DHRSX: variants seen among roughly 807,000 people sequenced by gnomAD.
DHRSX encodes polyprenol dehydrogenase.
In DHRSX, 31 loss-of-function variants were observed where a neutral mutation model predicts 34.0. The observed-to-expected ratio is 0.91, with a 90% confidence interval of 0.69 to 1.23. The LOEUF is 1.23. DHRSX is among the 50% of genes most tolerant of loss of function. The pLI is 0.00. For synonymous variants in DHRSX, 201 were observed against 183.8 expected (o/e 1.09, Z -0.76); for missense variants, 414 against 428.1 (o/e 0.97, Z 0.29).
At chrX:2,329,067 G>A (rs1278057912) in intron 3 of DHRSX, among the ~76,000 whole-genome samples, 1 of 152,128 alleles carries the variant, frequency 6.6e-6, no homozygotes, top group Non-Finnish European at 1.5e-5. Context: ...TAATTATTCG[G>A]TGAAGAAATA....
chrX:2,471,332 C>T (rs1006089058), intron 1 of DHRSX, among the ~76,000 whole-genome samples: 9 of 152,092 alleles, frequency 5.9e-5, no homozygotes, highest in African/African-American at 1.4e-4. Context: ...TTTGGGAGGC[C>T]GAGGTGGGTG....
chrX:2,253,317 C>T (rs781002273), intron 5 of DHRSX, among the ~76,000 whole-genome samples: 12 of 139,738 alleles, frequency 8.6e-5, no homozygotes, highest in African/African-American at 2.9e-4. Context: ...GGGAGGTGGA[C>T]ATGGCCTTGA....
In DHRSX at chrX:2,425,110, A is replaced by G. The variant is rs988266229; in HGVS notation, c.217+87T>C. On this transcript the variant is annotated intron_variant, in intron 2 of 6. Coordinates refer to ENST00000334651, the MANE Select transcript of DHRSX (RefSeq NM_145177.3). ...AGCCAAGATTGCACCACTGCAGTCC[A>G]GCACGGGTTGACGGACTGCGATCCT... The G allele has an allele frequency of 1.6e-5, 16 of 1,031,684 alleles. No individual in the cohort carries two copies. In the African/African-American group the frequency reaches 2.1e-4, roughly 14 times the overall value. The allele number at this position is 1,031,684 out of a possible 1,614,324, so 63.9% of individuals were successfully genotyped here. A position where few individuals can be genotyped will look rare whatever the true frequency, so the allele number is the denominator to read the frequency against.
At chrX:2,429,093 G>T (rs1156788438) in intron 1 of DHRSX, among the ~76,000 whole-genome samples, 1 of 152,110 alleles carries the variant, frequency 6.6e-6, no homozygotes, top group Admixed American at 6.6e-5. Context: ...CATATGCTTA[G>T]GTTTTCTGGT....
intron 3 of DHRSX, among the ~76,000 whole-genome samples, chrX:2,295,141 A>G (rs1569484883): frequency 6.6e-6 from 1 of 152,350 alleles, no homozygotes; most frequent in African/African-American, 2.4e-5. Flanking sequence ...TTATTGCGGA[A>G]CTATTAACAA....
chrX:2,318,813 CT>C (rs1444535487), intron 3 of DHRSX, among the ~76,000 whole-genome samples: 1 of 152,110 alleles, frequency 6.6e-6, no homozygotes, highest in African/African-American at 2.4e-5. Flanking sequence ...CCTTTACTTT[CT>C]TAATCAACTT....
intron 6 of DHRSX, among the ~76,000 whole-genome samples, chrX:2,226,182 G>A (rs1356567486): frequency 2.0e-5 from 3 of 152,126 alleles, no homozygotes; most frequent in South Asian, 2.1e-4. Context: ...GACTGGGATT[G>A]GCGCAGGCTG....
At chrX:2,462,739 G>C (rs1312035097) in intron 1 of DHRSX, among the ~76,000 whole-genome samples, 1 of 151,812 alleles carries the variant, frequency 6.6e-6, no homozygotes, top group African/African-American at 2.4e-5. Context: ...GTATTTTACA[G>C]CACTAATATT....
intron 5 of DHRSX, among the ~76,000 whole-genome samples, chrX:2,262,198 A>G (rs369049965): frequency 4.6e-5 from 7 of 152,300 alleles, no homozygotes; most frequent in African/African-American, 1.4e-4. Context: ...TTCAGCATGG[A>G]GCCCGAGGCA....
intron 3 of DHRSX, among the ~76,000 whole-genome samples, chrX:2,328,453 C>A (rs1191422446): frequency 1.3e-5 from 2 of 148,540 alleles, no homozygotes; most frequent in African/African-American, 5.0e-5. Context: ...GGATCTCAGA[C>A]TTCCAGCCTC....
chrX:2,386,255 T>A (rs967539488), intron 3 of DHRSX, among the ~76,000 whole-genome samples: 2 of 151,978 alleles, frequency 1.3e-5, no homozygotes, highest in Non-Finnish European at 2.9e-5. Flanking sequence ...AGTCTTGCTC[T>A]GTCACCAGGC....
intron 3 of DHRSX, among the ~76,000 whole-genome samples, chrX:2,408,043 CAG>C (rs1302132283): frequency 1.3e-5 from 2 of 152,086 alleles, no homozygotes; most frequent in African/African-American, 4.8e-5. Context: ...AAGAGCACAC[CAG>C]AATTTGGTCT....
intron 1 of DHRSX, among the ~76,000 whole-genome samples, chrX:2,474,344 G>A (rs1421711165): frequency 1.3e-5 from 2 of 152,086 alleles, no homozygotes; most frequent in South Asian, 2.1e-4. Context: ...ACACACTGAA[G>A]ATGTTCCCTA....
At chrX:2,245,178 A>G (rs1443681327) in intron 5 of DHRSX, among the ~76,000 whole-genome samples, 2 of 152,198 alleles carry the variant, frequency 1.3e-5, no homozygotes, top group Non-Finnish European at 2.9e-5. Context: ...TCACTGAGAT[A>G]GATGCATATC....
chrX:2,275,131 C>T (rs1172962077), intron 4 of DHRSX, among the ~76,000 whole-genome samples: 1 of 151,822 alleles, frequency 6.6e-6, no homozygotes, highest in South Asian at 2.1e-4. Context: ...ATGTTTTTTT[C>T]GGCATCAGTA....
chrX:2,220,649 G>T lies in DHRSX; in HGVS notation c.*392C>A. 5.4e-6 allele frequency: 1 copy of T among 184,846 alleles called. No individual in the cohort carries two copies. The highest frequency in any genetic ancestry group is 5.6e-5 in the Admixed American group (1 of 17,844). The allele number at this position is 184,846 out of a possible 1,614,324, so 11.5% of individuals were successfully genotyped here. A position where few individuals can be genotyped will look rare whatever the true frequency, so the allele number is the denominator to read the frequency against. On this transcript the variant is annotated 3_prime_UTR_variant, in exon 7 of 7. Transcript: ENST00000334651. Reference sequence around the variant, plus strand: ...AGTGCAGGAACAAAATCAAACAGGAGACCTCATCCACCACTAGGTCTCAGA... The same window carrying T: ...AGTGCAGGAACAAAATCAAACAGGATACCTCATCCACCACTAGGTCTCAGA...
intron 4 of DHRSX, among the ~76,000 whole-genome samples, chrX:2,275,829 C>CTT (rs202219739): frequency 6.7e-6 from 1 of 149,596 alleles, no homozygotes. Flanking sequence ...AATAATTTGC[C>CTT]TTTTTTTAAA....
chrX:2,380,913 G>A (rs2043194790), intron 3 of DHRSX, among the ~76,000 whole-genome samples: 1 of 152,158 alleles, frequency 6.6e-6, no homozygotes, highest in South Asian at 2.1e-4. Context: ...TCGCCAGGCT[G>A]GAGTGCAGTG....
intron 3 of DHRSX, among the ~76,000 whole-genome samples, chrX:2,299,136 A>C (rs1408714447): frequency 6.6e-6 from 1 of 152,212 alleles, no homozygotes; most frequent in African/African-American, 2.4e-5. Context: ...TTAATGCAAC[A>C]ACTCAAATGC....
Sources: allele counts gnomAD v4.1 joint callset (sites outside exome capture counted in the v4.1 genomes callset), GRCh38; gene constraint gnomAD v4.1.1; transcripts MANE v1.5; gene names NCBI Gene and HGNC (gene_info 2026-07-23, HGNC 2026-07-21).